The following MTUS2 variants were observed in gnomAD, a reference collection of about 807,000 sequenced individuals.
The protein encoded by MTUS2 is microtubule-associated tumor suppressor candidate 2.
In MTUS2, 40 loss-of-function variants were observed where a neutral mutation model predicts 114.1. That is an observed-to-expected ratio of 0.35 (90% CI 0.27 to 0.46). The LOEUF (loss-of-function observed/expected upper bound fraction) is 0.46. Ranked by LOEUF, MTUS2 falls within the 20% of genes least tolerant of loss-of-function variation. The pLI, the probability that MTUS2 is intolerant of heterozygous loss-of-function variation, is 1.00. For missense variants in MTUS2, 1,679 were observed against 1,705.4 expected (o/e 0.98, Z 0.27); for synonymous variants, 688 against 672.0 (o/e 1.02, Z -0.37).
intron 4 of MTUS2, among the ~76,000 whole-genome samples, chr13:29,081,854 T>A (rs1467906614): frequency 1.3e-5 from 2 of 152,256 alleles, no homozygotes; most frequent in Non-Finnish European, 2.9e-5. Context: ...GGTCTTTGAC[T>A]AGACCAGAGT....
intron 2 of MTUS2, among the ~76,000 whole-genome samples, chr13:28,998,833 C>A (rs9508220): frequency 1.3e-5 from 2 of 151,866 alleles, no homozygotes; most frequent in Non-Finnish European, 2.9e-5. Context: ...GCCATTGGTT[C>A]GAACTTCCTC....
intron 5 of MTUS2, among the ~76,000 whole-genome samples, chr13:29,102,312 A>T (rs1356664150): frequency 1.3e-5 from 2 of 152,190 alleles, no homozygotes; most frequent in African/African-American, 2.4e-5. Flanking sequence ...ATGAAGGAAA[A>T]ACTTATCATA....
chr13:29,004,059 A>G (rs1289070071), intron 2 of MTUS2, among the ~76,000 whole-genome samples: 1 of 152,200 alleles, frequency 6.6e-6, no homozygotes, highest in Non-Finnish European at 1.5e-5. Context: ...TGCCTCCACC[A>G]GGACTGACCA....
chr13:29,338,416 GTC>G (rs536566996), intron 7 of MTUS2, among the ~76,000 whole-genome samples: 3 of 142,316 alleles, frequency 2.1e-5, no homozygotes, highest in Middle Eastern at 3.8e-3. Flanking sequence ...GTGAAACCCA[GTC>G]TCTATTAAAA....
intron 3 of MTUS2, among the ~76,000 whole-genome samples, chr13:29,030,210 G>A (rs1248373157): frequency 3.9e-5 from 6 of 152,086 alleles, no homozygotes; most frequent in Non-Finnish European, 5.9e-5. Flanking sequence ...TAGGCACCAC[G>A]TCAAGACTCA....
chr13:29,296,197 T>TTTTGTTTG (rs59082438), intron 6 of MTUS2, among the ~76,000 whole-genome samples: 14 of 148,852 alleles, frequency 9.4e-5, no homozygotes, highest in South Asian at 2.2e-4. Context: ...ATTTTTAGGT[T>TTTTGTTTG]TTTGTTTGTT....
intron 8 of MTUS2, among the ~76,000 whole-genome samples, chr13:29,421,265 CA>C (rs1876088818): frequency 6.6e-6 from 1 of 152,172 alleles, no homozygotes. Context: ...CTGGCCCTGG[CA>C]GTCCCCTTTG....
At position 29,219,368 on chromosome 13, in the gene MTUS2, A is replaced by G. The variant is rs554100454; in HGVS notation, c.2645-62336A>G. Among the ~76,000 whole-genome samples the G allele has an allele frequency of 2.0e-3, 305 of 150,038 alleles. 1 individual carries two copies. The highest frequency in any genetic ancestry group is 6.6e-3 in the African/African-American group (268 of 40,572). On this transcript the variant is annotated intron_variant, in intron 5 of 15. Transcript: ENST00000612955. ...GTGCCACATTTTCTTAATCCAGTCT[A>G]TCATTGTTGGACATTTGGGTTGGTT...
At chr13:29,453,282 A>G (rs970613004) in intron 9 of MTUS2, among the ~76,000 whole-genome samples, 4 of 152,258 alleles carry the variant, frequency 2.6e-5, no homozygotes, top group African/African-American at 9.6e-5. Context: ...TTATGCAAAC[A>G]TAATCGACTC....
At chr13:28,991,533 T>C (rs1211825701) in intron 2 of MTUS2, among the ~76,000 whole-genome samples, 1 of 152,104 alleles carries the variant, frequency 6.6e-6, no homozygotes, top group Non-Finnish European at 1.5e-5. Flanking sequence ...CACGCCTAGC[T>C]AATTTTTTGT....
At chr13:29,421,287 G>A (rs1876090085) in intron 8 of MTUS2, among the ~76,000 whole-genome samples, 1 of 152,160 alleles carries the variant, frequency 6.6e-6, no homozygotes, top group Non-Finnish European at 1.5e-5. Context: ...CTAAGATCCA[G>A]CCCTAGAGAT....
intron 7 of MTUS2, among the ~76,000 whole-genome samples, chr13:29,357,798 A>G (rs923045151): frequency 2.0e-5 from 3 of 152,252 alleles, no homozygotes; most frequent in African/African-American, 7.2e-5. Context: ...ACGATATGCC[A>G]TATGTGAGGT....
intron 7 of MTUS2, among the ~76,000 whole-genome samples, chr13:29,357,513 G>A (rs971573937): frequency 6.6e-6 from 1 of 152,156 alleles, no homozygotes; most frequent in Non-Finnish European, 1.5e-5. Flanking sequence ...AACAGCAATT[G>A]TGGGGAAAAA....
intron 2 of MTUS2, among the ~76,000 whole-genome samples, chr13:28,899,444 C>G (rs1879497969): frequency 6.6e-6 from 1 of 152,208 alleles, no homozygotes; most frequent in African/African-American, 2.4e-5. Flanking sequence ...TAGTCTCACT[C>G]TGTCGCCCAG....
intron 9 of MTUS2, among the ~76,000 whole-genome samples, chr13:29,442,954 G>A (rs527929334): frequency 5.9e-5 from 9 of 152,264 alleles, no homozygotes; most frequent in African/African-American, 2.2e-4. Context: ...AGATAGAAAA[G>A]CATTGAATTA....
chr13:28,998,347 A>G (rs9506072), intron 2 of MTUS2, among the ~76,000 whole-genome samples: 80,914 of 151,914 alleles, frequency 0.53, 21,903 homozygotes, highest in East Asian at 0.68. Context: ...TTCAACTTTG[A>G]TGAATCTGAC....
chr13:29,170,712 C>T (rs1012675452), intron 5 of MTUS2, among the ~76,000 whole-genome samples: 1 of 152,160 alleles, frequency 6.6e-6, no homozygotes, highest in African/African-American at 2.4e-5. Flanking sequence ...GAGTCTCACA[C>T]CTGGTGTTAG....
chr13:29,353,783 C>T (rs944794423), intron 7 of MTUS2, among the ~76,000 whole-genome samples: 4 of 152,162 alleles, frequency 2.6e-5, no homozygotes, highest in Admixed American at 1.3e-4. Context: ...CCATGAATTA[C>T]GAGGTGTTCC....
At chr13:28,889,887 G>A (rs1167594845) in intron 2 of MTUS2, among the ~76,000 whole-genome samples, 1 of 152,140 alleles carries the variant, frequency 6.6e-6, no homozygotes, top group Non-Finnish European at 1.5e-5. Flanking sequence ...CTGTTCCACT[G>A]TAATGCAGGT....
Sources: allele counts gnomAD v4.1 joint callset (sites outside exome capture counted in the v4.1 genomes callset), GRCh38; gene constraint gnomAD v4.1.1; transcripts MANE v1.5; gene names NCBI Gene and HGNC (gene_info 2026-07-23, HGNC 2026-07-21).